Variants in BCAS3 observed in about 807,000 individuals in gnomAD.
BCAS3 encodes BCAS4/BCAS3 fusion.
A neutral mutation model predicts 116.1 loss-of-function variants in BCAS3; 53 were observed. The ratio of observed to expected loss-of-function variants is 0.46; its 90% CI spans 0.37 to 0.57. BCAS3 has a LOEUF of 0.57. Ranked by LOEUF, BCAS3 falls within the 20% of genes least tolerant of loss-of-function variation. BCAS3 has a pLI of 0.00. For missense variants in BCAS3, 917 were observed against 1,165.4 expected (o/e 0.79, Z 3.10); for synonymous variants, 391 against 408.2 (o/e 0.96, Z 0.51).
chr17:60,799,224 T>C (rs529538222), intron 6 of BCAS3, among the ~76,000 whole-genome samples: 1 of 152,330 alleles, frequency 6.6e-6, no homozygotes, highest in South Asian at 2.1e-4. Flanking sequence ...TTCTCTTTAT[T>C]CTGTCTTCCA....
At chr17:61,096,827 A>T (rs902646498) in intron 22 of BCAS3, among the ~76,000 whole-genome samples, 1 of 152,242 alleles carries the variant, frequency 6.6e-6, no homozygotes, top group Non-Finnish European at 1.5e-5. Context: ...TAATGACAAT[A>T]AGCAAAAATT....
At chr17:60,765,829 A>G (rs1446446232) in intron 6 of BCAS3, among the ~76,000 whole-genome samples, 4 of 152,194 alleles carry the variant, frequency 2.6e-5, no homozygotes, top group African/African-American at 7.2e-5. Context: ...AGATACACCA[A>G]TCAAACGTAG....
intron 22 of BCAS3, among the ~76,000 whole-genome samples, chr17:61,108,857 A>G (rs2074857391): frequency 6.6e-6 from 1 of 151,998 alleles, no homozygotes; most frequent in Admixed American, 6.6e-5. Context: ...AGAACATATG[A>G]TGTTTGGTTT....
At chr17:61,100,326 C>G (rs1018165960) in intron 22 of BCAS3, among the ~76,000 whole-genome samples, 1 of 152,178 alleles carries the variant, frequency 6.6e-6, no homozygotes, top group Non-Finnish European at 1.5e-5. Flanking sequence ...GTTAGAAATT[C>G]ATAGCCATGA....
Position 61,281,241 on chromosome 17 carries a change from A to G in BCAS3, c.2426-87086A>G, listed in dbSNP as rs923913986. Among the ~76,000 whole-genome samples the G allele has an allele frequency of 6.6e-6, 1 of 152,204 alleles. No individual in the cohort carries two copies. The highest frequency in any genetic ancestry group is 6.5e-5 in the Admixed American group (1 of 15,276). On this transcript the variant is annotated intron_variant, in intron 22 of 23. Transcript: ENST00000407086. This position sits in a 1 kb window ranked among gnomAD's most constrained non-coding sequence, Gnocchi z 4.2. ...TTTATTTCACAATGCCTATTGTTGG[A>G]TGTATAGATGGTCTTCAATCTTTTG... is the stretch of plus-strand genomic sequence containing the variant.
At position 61,084,548 on chromosome 17, in the gene BCAS3, G is replaced by A; in HGVS notation, c.2409G>A (p.Val803=). 2 of 1,613,816 alleles carry A rather than the reference G, an allele frequency of 1.2e-6. No homozygotes were observed. The highest frequency in any genetic ancestry group is 1.7e-6 in the Non-Finnish European group (2 of 1,179,738). The part of the protein sequence containing the change: ...PVSDRRGVST[V]IDAASGTFDR... The stretch of plus-strand genomic sequence containing the variant: ...CTGATCGAAGGGGAGTTTCCACAGT[G>A]ATTGATGCTGCCTCAGGTAGAAAAC... Residue 803 remains valine, a synonymous_variant, in exon 22 of 24, where the codon GTG becomes GTA. Transcript: ENST00000407086. The surrounding 1 kb of genome is among the most constrained non-coding windows in gnomAD (Gnocchi z 5.5).
chr17:60,756,841 T>G (rs1293562408), intron 6 of BCAS3, among the ~76,000 whole-genome samples: 1 of 152,166 alleles, frequency 6.6e-6, no homozygotes, highest in Non-Finnish European at 1.5e-5. Context: ...AACCTCCATA[T>G]TGTTTTCCAC....
chr17:61,086,526 A>G (rs2073108130), intron 22 of BCAS3, among the ~76,000 whole-genome samples: 1 of 152,244 alleles, frequency 6.6e-6, no homozygotes, highest in Non-Finnish European at 1.5e-5. Context: ...TGAATAAGGA[A>G]TTAGATCCTA....
Position 61,189,206 on chromosome 17 carries a change from G to C in BCAS3, c.2425+104642G>C, listed in dbSNP as rs1193918075. 1.3e-5 allele frequency among the ~76,000 whole-genome samples: 2 copies of C among 152,196 alleles called. No individual in the cohort carries two copies. The highest frequency in any genetic ancestry group is 2.9e-5 in the Non-Finnish European group (2 of 68,034). On this transcript the variant is annotated intron_variant, in intron 22 of 23. Coordinates refer to ENST00000407086, the MANE Select transcript of BCAS3 (RefSeq NM_017679.5). The surrounding 1 kb of genome is among the most constrained non-coding windows in gnomAD (Gnocchi z 4.5). ...CTTTATGTGCTTAGAGTTGAGGAAG[G>C]TGGAGAATATTTAAGGAAAGCTTTC...
chr17:60,723,819 A>C (rs2039517343), intron 5 of BCAS3, among the ~76,000 whole-genome samples: 1 of 147,642 alleles, frequency 6.8e-6, no homozygotes, highest in Non-Finnish European at 1.5e-5. Flanking sequence ...CCCAGGTTCA[A>C]GTGATTCTCC....
intron 13 of BCAS3, among the ~76,000 whole-genome samples, chr17:60,941,274 T>C (rs566211017): frequency 1.3e-5 from 2 of 152,360 alleles, no homozygotes; most frequent in South Asian, 4.1e-4. Flanking sequence ...TTTTGTGGCT[T>C]GGCACCTCAT....
rs2062791075 is a variant in BCAS3, at chr17:60,981,176, A to T, written c.1222-8795A>T. Among the ~76,000 whole-genome samples the T allele has an allele frequency of 3.3e-5, 5 of 152,198 alleles. No homozygotes were observed. The South Asian group carries it at 1.0e-3, about 32-fold the overall frequency. ...CATGCAAAGTTTTTAATGTTGAAGA[A>T]GTATGATTTGTCTACTTTGACTTGG... On this transcript the variant is annotated intron_variant, in intron 14 of 23. Coordinates refer to ENST00000407086, the MANE Select transcript of BCAS3 (RefSeq NM_017679.5).
chr17:61,297,623 C>G (rs2053046043), intron 22 of BCAS3, among the ~76,000 whole-genome samples: 1 of 152,120 alleles, frequency 6.6e-6, no homozygotes, highest in Admixed American at 6.5e-5. Context: ...CAGAGAAAGC[C>G]AAGCCCAGGT....
chr17:60,716,935 G>GC (rs2038682560), intron 5 of BCAS3, among the ~76,000 whole-genome samples: 1 of 152,128 alleles, frequency 6.6e-6, no homozygotes, highest in African/African-American at 2.4e-5. Context: ...GGACAACACT[G>GC]AACAAAACAA....
intron 14 of BCAS3, among the ~76,000 whole-genome samples, chr17:60,980,150 A>G (rs933943669): frequency 2.0e-5 from 3 of 152,070 alleles, no homozygotes; most frequent in South Asian, 4.1e-4. Flanking sequence ...TTGGTAAGCT[A>G]TTGATTATTG....
At chr17:60,834,870 C>A (rs2051234165) in intron 7 of BCAS3, among the ~76,000 whole-genome samples, 2 of 151,884 alleles carry the variant, frequency 1.3e-5, no homozygotes, top group Non-Finnish European at 2.9e-5. Flanking sequence ...GTTAGTGCTT[C>A]TACTATAACC....
intron 14 of BCAS3, among the ~76,000 whole-genome samples, chr17:60,955,594 C>T (rs932686055): frequency 2.0e-5 from 3 of 151,670 alleles, no homozygotes; most frequent in Non-Finnish European, 4.4e-5. Context: ...TGTTGGTGGC[C>T]AGGATGGTCT....
intron 22 of BCAS3, among the ~76,000 whole-genome samples, chr17:61,149,513 G>T (rs966352735): frequency 4.6e-5 from 7 of 152,066 alleles, no homozygotes; most frequent in Admixed American, 3.3e-4. Context: ...GGCAACTTTG[G>T]TTCTTAGCAT....
chr17:61,340,682 G>A (rs115492232), intron 22 of BCAS3, among the ~76,000 whole-genome samples: 169 of 152,274 alleles, frequency 1.1e-3, no homozygotes, highest in African/African-American at 3.9e-3. Flanking sequence ...TCACCAGGCC[G>A]GTATGGCCAA....
Sources: allele counts gnomAD v4.1 joint callset (sites outside exome capture counted in the v4.1 genomes callset), GRCh38; gene constraint gnomAD v4.1.1; non-coding constraint Gnocchi (gnomAD v3.1); transcripts MANE v1.5; gene names NCBI Gene and HGNC (gene_info 2026-07-23, HGNC 2026-07-21).